The following MAF variants were observed in gnomAD, a reference collection of about 807,000 sequenced individuals.
MAF encodes the protein transcription factor Maf.
MAF carries 10 observed loss-of-function variants against 22.0 expected under a neutral mutation model. The observed-to-expected ratio is 0.45, with a 90% confidence interval of 0.28 to 0.77. MAF has a LOEUF of 0.77. Among genes scored for constraint, MAF ranks in the 30% least tolerant of loss-of-function variants. The pLI, the probability that MAF is intolerant of heterozygous loss-of-function variation, is 0.12. For synonymous variants in MAF, 337 were observed against 255.8 expected (o/e 1.32, Z -3.03); for missense variants, 544 against 548.4 (o/e 0.99, Z 0.08).
the MAF span, among the ~76,000 whole-genome samples, chr16:79,492,403 C>A: frequency 0.69 from 104,102 of 151,872 alleles, 36,328 homozygotes; most frequent in East Asian, 0.81. Flanking sequence ...AAAGAAAGAC[C>A]GGATCTGACC....
the MAF span, among the ~76,000 whole-genome samples, chr16:79,412,567 T>G: frequency 1.3e-5 from 2 of 152,234 alleles, no homozygotes; most frequent in African/African-American, 4.8e-5. Context: ...AATAGGATTC[T>G]TGGCCTTCAC....
chr16:79,356,853 G>C, the MAF span, among the ~76,000 whole-genome samples: 1 of 152,168 alleles, frequency 6.6e-6, no homozygotes, highest in Non-Finnish European at 1.5e-5. Context: ...CCCTTAAAAG[G>C]CATGAAAAAT....
At chr16:79,447,529 C>G in the MAF span, among the ~76,000 whole-genome samples, 1 of 152,072 alleles carries the variant, frequency 6.6e-6, no homozygotes, top group Non-Finnish European at 1.5e-5. Flanking sequence ...AAATACATTT[C>G]ATAAGGCAAT....
chr16:79,334,492 C>A, the MAF span, among the ~76,000 whole-genome samples: 1 of 152,028 alleles, frequency 6.6e-6, no homozygotes, highest in Admixed American at 6.6e-5. Context: ...TATATCTTGA[C>A]CAAGGAGGTG....
At chr16:79,577,433 G>C in the MAF span, among the ~76,000 whole-genome samples, 2 of 152,190 alleles carry the variant, frequency 1.3e-5, no homozygotes, top group Non-Finnish European at 2.9e-5. Flanking sequence ...CTTTGTGCCT[G>C]AGTCTCCTAA....
At chr16:79,355,037 C>T in the MAF span, among the ~76,000 whole-genome samples, 1 of 152,134 alleles carries the variant, frequency 6.6e-6, no homozygotes, top group Non-Finnish European at 1.5e-5. Context: ...CAAGTTGGCT[C>T]AAATGTAAAA....
chr16:79,334,785 G>A, the MAF span, among the ~76,000 whole-genome samples: 1,641 of 152,114 alleles, frequency 0.011, 29 homozygotes, highest in African/African-American at 0.037. Context: ...CAGGGAGAAA[G>A]GATCAGTAGT....
the MAF span, among the ~76,000 whole-genome samples, chr16:79,329,346 T>C: frequency 2.6e-5 from 4 of 152,136 alleles, no homozygotes; most frequent in Admixed American, 2.6e-4. Context: ...AAGTGAGAGT[T>C]TGCATCAGTC....
chr16:79,219,248 T>G, the MAF span, among the ~76,000 whole-genome samples: 16 of 152,290 alleles, frequency 1.1e-4, no homozygotes, highest in Non-Finnish European at 2.1e-4. Flanking sequence ...GCTTGTCCTG[T>G]TACTTTGGAA....
chr16:79,501,363 C>T, the MAF span, among the ~76,000 whole-genome samples: 2 of 152,194 alleles, frequency 1.3e-5, no homozygotes, highest in African/African-American at 4.8e-5. Flanking sequence ...TAATTAATTA[C>T]ATCTGCAACA....
chr16:79,230,316 A>T, the MAF span, among the ~76,000 whole-genome samples: 1 of 152,128 alleles, frequency 6.6e-6, no homozygotes, highest in African/African-American at 2.4e-5. Flanking sequence ...TCCAGCAGTG[A>T]CAGAAAGAAT....
chr16:79,350,947 G>A, the MAF span, among the ~76,000 whole-genome samples: 1 of 151,406 alleles, frequency 6.6e-6, no homozygotes, highest in East Asian at 1.9e-4. Flanking sequence ...TGCTCAAGAG[G>A]AAACCCAGAT....
At chr16:79,210,867 C>T in the MAF span, among the ~76,000 whole-genome samples, 1 of 152,184 alleles carries the variant, frequency 6.6e-6, no homozygotes, top group Non-Finnish European at 1.5e-5. Context: ...TGATCAGCTG[C>T]ACTCTTTGCA....
At chr16:79,216,057 T>C in the MAF span, among the ~76,000 whole-genome samples, 3 of 152,204 alleles carry the variant, frequency 2.0e-5, no homozygotes, top group African/African-American at 7.2e-5. Context: ...CATGGCATAA[T>C]TCCTATTATT....
At chr16:79,516,783 T>C in the MAF span, among the ~76,000 whole-genome samples, 1 of 152,214 alleles carries the variant, frequency 6.6e-6, no homozygotes. Context: ...CCTGGAGCTC[T>C]AGAGGTTCCA....
chr16:79,387,174 G>A, the MAF span, among the ~76,000 whole-genome samples: 3 of 152,128 alleles, frequency 2.0e-5, no homozygotes, highest in African/African-American at 7.2e-5. Flanking sequence ...ATAGCAGAAC[G>A]CTCTCTCTTT....
At chr16:79,296,133 T>C in the MAF span, among the ~76,000 whole-genome samples, 3 of 152,186 alleles carry the variant, frequency 2.0e-5, no homozygotes, top group Non-Finnish European at 4.4e-5. Context: ...ATCTGTAAAA[T>C]GGGATTATAG....
chr16:79,566,840 T>C, the MAF span, among the ~76,000 whole-genome samples: 1 of 152,210 alleles, frequency 6.6e-6, no homozygotes, highest in African/African-American at 2.4e-5. Flanking sequence ...TGGTTTGATT[T>C]CCAAATCCTC....
the MAF span, among the ~76,000 whole-genome samples, chr16:79,234,861 G>A: frequency 2.9e-3 from 448 of 152,204 alleles, 10 homozygotes; most frequent in Admixed American, 0.022. Context: ...TTTGCAGTGG[G>A]ATAGGAGCAG....
Sources: gnomAD v4.1 joint callset for allele counts (sites outside exome capture counted in the v4.1 genomes callset) on GRCh38, gnomAD v4.1.1 for gene constraint, MANE v1.5 for transcripts, NCBI Gene and HGNC (gene_info 2026-07-23, HGNC 2026-07-21) for gene names.